The following RNF144B variants were observed in gnomAD, a reference collection of about 807,000 sequenced individuals.
RNF144B encodes the protein E3 ubiquitin-protein ligase RNF144B.
RNF144B carries 25 observed loss-of-function variants against 40.2 expected under a neutral mutation model. The ratio of observed to expected loss-of-function variants is 0.62; its 90% CI spans 0.45 to 0.87. The LOEUF (loss-of-function observed/expected upper bound fraction) is 0.87, where lower values mean the gene tolerates loss of function less well. Among genes scored for constraint, RNF144B ranks in the 40% least tolerant of loss-of-function variants. The pLI is 0.00. For missense variants in RNF144B, 365 were observed against 373.7 expected, an observed-to-expected ratio of 0.98 and a Z score of 0.19; for synonymous variants, 145 against 136.3, an observed-to-expected ratio of 1.06 and a Z score of -0.44.
rs1183278555 is a variant in RNF144B, at chr6:18,398,112, G to GA, written c.-36-1378dup. On this transcript the variant is annotated intron_variant, in intron 1 of 7. Coordinates refer to ENST00000259939, the MANE Select transcript of RNF144B (RefSeq NM_182757.4). The surrounding 1 kb of genome is among the most constrained non-coding windows in gnomAD (Gnocchi z 5.0). ...CAACAGAGAGAGACCCTTTCTCTAG[G>GA]AAAAAAAAACCCCACAAACAGTAAC... Among the ~76,000 whole-genome samples, 22 of 150,498 alleles carry GA rather than the reference G, an allele frequency of 1.5e-4. No individual in the cohort carries two copies. The highest frequency in any genetic ancestry group is 4.2e-4 in the South Asian group (2 of 4,752).
At position 18,458,361 on chromosome 6, in the gene RNF144B, C is replaced by T. The variant is rs531720949; in HGVS notation, c.536+1002C>T. ...AGAACAAAATACGAGTGTTGTAATCCCATTGGCTTAATCACACAGTGCACC... is the reference window on the plus strand; with the variant it reads ...AGAACAAAATACGAGTGTTGTAATCTCATTGGCTTAATCACACAGTGCACC... On this transcript the variant is annotated intron_variant, in intron 5 of 7. Coordinates refer to ENST00000259939, the MANE Select transcript of RNF144B (RefSeq NM_182757.4). The surrounding 1 kb of genome is among the most constrained non-coding windows in gnomAD (Gnocchi z 4.8). Among the ~76,000 whole-genome samples, 6 of 152,178 alleles carry T rather than the reference C, an allele frequency of 3.9e-5. No homozygotes were observed. The highest frequency in any genetic ancestry group is 7.4e-5 in the Non-Finnish European group (5 of 68,016).
At chr6:18,424,365 A>G (rs963105251) in intron 2 of RNF144B, among the ~76,000 whole-genome samples, 2 of 152,182 alleles carry the variant, frequency 1.3e-5, no homozygotes, top group East Asian at 3.8e-4. Flanking sequence ...GCCCACACTG[A>G]TGGAATGTCA....
At position 18,444,448 on chromosome 6, in the gene RNF144B, C is replaced by A. The variant is rs1759034379; in HGVS notation, c.331+4704C>A. Among the ~76,000 whole-genome samples the A allele has an allele frequency of 6.6e-6, 1 of 151,202 alleles. No homozygotes were observed. Reference sequence around the variant, plus strand: ...TTTTCTTGCCTCTTGTTTCCAGAGTCTACTTTTTCAAAATAGTTTTTTTTT... The same window carrying A: ...TTTTCTTGCCTCTTGTTTCCAGAGTATACTTTTTCAAAATAGTTTTTTTTT... On this transcript the variant is annotated intron_variant, in intron 4 of 7. Transcript: ENST00000259939. The surrounding 1 kb of genome is among the most constrained non-coding windows in gnomAD (Gnocchi z 4.3).
intron 4 of RNF144B, among the ~76,000 whole-genome samples, chr6:18,440,085 T>C (rs1285964975): frequency 6.6e-6 from 1 of 152,186 alleles, no homozygotes; most frequent in Non-Finnish European, 1.5e-5. Flanking sequence ...AATTTTCGAT[T>C]CTTGAAGATC....
rs77292101 is a variant in RNF144B at position 18,408,546 on chromosome 6, A to C, written c.165+8847A>C. Among the ~76,000 whole-genome samples the C allele has an allele frequency of 3.9e-5, 6 of 152,334 alleles. No individual in the cohort carries two copies. The East Asian group carries it at 9.6e-4, about 24-fold the overall frequency. The stretch of plus-strand genomic sequence containing the variant: ...AGTGGAAACTGTGGCATTCACTCGG[A>C]TCCCTCTTCAGGGCAATGTTTCTAT... On this transcript the variant is annotated intron_variant, in intron 2 of 7. Coordinates refer to ENST00000259939, the MANE Select transcript of RNF144B (RefSeq NM_182757.4).
intron 3 of RNF144B, among the ~76,000 whole-genome samples, chr6:18,431,690 A>G (rs1264359907): frequency 2.0e-5 from 3 of 152,218 alleles, no homozygotes; most frequent in Non-Finnish European, 2.9e-5. Context: ...TCTTGCTGCT[A>G]TTTATATTAC....
At chr6:18,408,884 G>A (rs1320338381) in intron 2 of RNF144B, among the ~76,000 whole-genome samples, 11 of 151,174 alleles carry the variant, frequency 7.3e-5, no homozygotes, top group Middle Eastern at 3.5e-3. Flanking sequence ...ACACAAATCC[G>A]TGAATTATTA....
intron 1 of RNF144B, among the ~76,000 whole-genome samples, chr6:18,394,621 A>G (rs917918038): frequency 7.2e-5 from 11 of 152,022 alleles, no homozygotes; most frequent in Non-Finnish European, 1.5e-4. Context: ...AAGAAAAAAA[A>G]AAAAAAGCTT....
intron 2 of RNF144B, among the ~76,000 whole-genome samples, chr6:18,426,775 C>A (rs578244293): frequency 5.3e-5 from 7 of 131,758 alleles, no homozygotes; most frequent in African/African-American, 1.9e-4. Context: ...CTCTGGGTTT[C>A]ATTTTTTCTA....
intron 1 of RNF144B, among the ~76,000 whole-genome samples, chr6:18,392,460 C>T (rs1033980354): frequency 1.1e-4 from 16 of 147,068 alleles, no homozygotes; most frequent in Non-Finnish European, 2.1e-4. Flanking sequence ...GAAGTGCCTA[C>T]TTTTTTTTTT....
In RNF144B at chr6:18,443,290, T is replaced by C. The variant is rs10949511; in HGVS notation, c.331+3546T>C. 6.6e-6 allele frequency among the ~76,000 whole-genome samples: 1 copy of C among 151,818 alleles called. No homozygotes were observed. The highest frequency in any genetic ancestry group is 1.5e-5 in the Non-Finnish European group (1 of 67,968). On this transcript the variant is annotated intron_variant, in intron 4 of 7. Coordinates refer to ENST00000259939, the MANE Select transcript of RNF144B (RefSeq NM_182757.4). This position sits in a 1 kb window ranked among gnomAD's most constrained non-coding sequence, Gnocchi z 4.7. ...TTTGTTTATTTTTTTTGAGATGGAG[T>C]CTCATTCTGTTGCCCAGGCTGGATT...
chr6:18,438,231 G>C (rs1758867590), intron 3 of RNF144B, among the ~76,000 whole-genome samples: 1 of 152,112 alleles, frequency 6.6e-6, no homozygotes, highest in African/African-American at 2.4e-5. Flanking sequence ...TTTTATTTGA[G>C]ACATCTTTGT....
rs1794686643 is a variant in RNF144B, at chr6:18,395,985, A to G, written c.-36-3514A>G. ...ATGAAATATGTAACTTTTTTCCTCT[A>G]TGTCACTGAGTCATAAGTCCTGCCT... is the stretch of plus-strand genomic sequence containing the variant. On this transcript the variant is annotated intron_variant, in intron 1 of 7. Coordinates refer to ENST00000259939, the MANE Select transcript of RNF144B (RefSeq NM_182757.4). This position sits in a 1 kb window ranked among gnomAD's most constrained non-coding sequence, Gnocchi z 4.5. Among the ~76,000 whole-genome samples the G allele has an allele frequency of 6.6e-6, 1 of 152,192 alleles. No individual in the cohort carries two copies. Among genetic ancestry groups the G allele is most frequent in the Non-Finnish European group, 1.5e-5 (1 of 68,020 alleles).
chr6:18,404,325 G>T (rs1425846063), intron 2 of RNF144B, among the ~76,000 whole-genome samples: 1 of 152,184 alleles, frequency 6.6e-6, no homozygotes. Context: ...GAAGACTCAG[G>T]CTCAAGTTCA....
At chr6:18,396,693 C>A (rs1286399163) in intron 1 of RNF144B, 1 of 985,220 alleles carries the variant, frequency 1.0e-6, no homozygotes, top group African/African-American at 1.7e-5. Context: ...AGCAGTGAAG[C>A]AGCGTTGAGA....
Position 18,441,737 on chromosome 6 carries a change from G to T in RNF144B, c.331+1993G>T, listed in dbSNP as rs1199937490. Among the ~76,000 whole-genome samples the T allele has an allele frequency of 6.6e-6, 1 of 152,126 alleles. No homozygotes were observed. The highest frequency in any genetic ancestry group is 2.4e-5 in the African/African-American group (1 of 41,424). On this transcript the variant is annotated intron_variant, in intron 4 of 7. Coordinates refer to ENST00000259939, the MANE Select transcript of RNF144B (RefSeq NM_182757.4). This position sits in a 1 kb window ranked among gnomAD's most constrained non-coding sequence, Gnocchi z 4.9. Reference sequence around the variant, plus strand: ...TGGTAAGCTGTGTGACCATGGCAAGGTCCTTAATATTTCTGCATCTCAACT... The same window carrying T: ...TGGTAAGCTGTGTGACCATGGCAAGTTCCTTAATATTTCTGCATCTCAACT...
chr6:18,435,969 A>G (rs1758810634), intron 3 of RNF144B, among the ~76,000 whole-genome samples: 1 of 151,988 alleles, frequency 6.6e-6, no homozygotes, highest in South Asian at 2.1e-4. Flanking sequence ...ACATGTATAC[A>G]TATGTAACAA....
Position 18,459,235 on chromosome 6 carries a change from A to G in RNF144B, c.537-372A>G, listed in dbSNP as rs1284240995. ...TGAGAACCCCTTCTCCATTTGTCTA[A>G]TGAACAGACCATTAGATAGATTATA... On this transcript the variant is annotated intron_variant, in intron 5 of 7. Transcript: ENST00000259939. The surrounding 1 kb of genome is among the most constrained non-coding windows in gnomAD (Gnocchi z 4.2). 6.6e-6 allele frequency among the ~76,000 whole-genome samples: 1 copy of G among 152,202 alleles called. No homozygotes were observed. The highest frequency in any genetic ancestry group is 2.4e-5 in the African/African-American group (1 of 41,454).
At chr6:18,399,897 T>A (rs1047811206) in intron 2 of RNF144B, among the ~76,000 whole-genome samples, 198 bp downstream of exon 2, 8 of 152,218 alleles carry the variant, frequency 5.3e-5, no homozygotes, top group African/African-American at 1.4e-4. Context: ...TAGCTGAGTA[T>A]AATTTATGTT....
Sources: gnomAD v4.1 joint callset for allele counts (sites outside exome capture counted in the v4.1 genomes callset) on GRCh38, gnomAD v4.1.1 for gene constraint, Gnocchi (gnomAD v3.1) non-coding constraint, MANE v1.5 for transcripts, NCBI Gene and HGNC (gene_info 2026-07-23, HGNC 2026-07-21) for gene names.